Variants in ARHGAP28 observed in about 807,000 individuals in gnomAD.
ARHGAP28 encodes the protein Rho GTPase activating protein 28.
Under a neutral mutation model 90.7 loss-of-function variants are expected in ARHGAP28, and 56 were observed. The ratio of observed to expected loss-of-function variants is 0.62; its 90% CI spans 0.50 to 0.77. The LOEUF (loss-of-function observed/expected upper bound fraction) is 0.77, where lower values mean the gene tolerates loss of function less well. Among genes scored for constraint, ARHGAP28 ranks in the 30% least tolerant of loss-of-function variants. ARHGAP28 has a pLI of 0.00. For synonymous variants in ARHGAP28, 308 were observed against 323.3 expected (o/e 0.95, Z 0.51); for missense variants, 869 against 900.9 (o/e 0.96, Z 0.45).
chr18:6,848,453 C>T (rs1024071496), intron 3 of ARHGAP28, among the ~76,000 whole-genome samples: 2 of 152,104 alleles, frequency 1.3e-5, no homozygotes, highest in Non-Finnish European at 2.9e-5. Context: ...CTCTGGACAA[C>T]AGCAGTAAAG....
chr18:6,831,905 G>GT (rs2056719709), intron 2 of ARHGAP28, among the ~76,000 whole-genome samples: 1 of 152,014 alleles, frequency 6.6e-6, no homozygotes, highest in Admixed American at 6.6e-5. Context: ...TCTATTACTA[G>GT]TTTTTCTGGC....
rs1016410138 is a variant in ARHGAP28 at position 6,910,869 on chromosome 18, G to A, written c.2096-1191G>A. 2.7e-5 allele frequency among the ~76,000 whole-genome samples: 4 copies of A among 145,892 alleles called. No individual in the cohort carries two copies. In the Admixed American group the frequency reaches 2.8e-4, roughly 10 times the overall value. ...TTTGCTTTGTTTTTTTTTTGAGACG[G>A]AGTCTCGCTCTGTCGCCCAGGCTGG... On this transcript the variant is annotated intron_variant, in intron 17 of 17. Transcript: ENST00000383472.
At chr18:6,868,768 A>G (rs1324048582) in intron 6 of ARHGAP28, among the ~76,000 whole-genome samples, 1 of 152,114 alleles carries the variant, frequency 6.6e-6, no homozygotes, top group Non-Finnish European at 1.5e-5. Flanking sequence ...TTCCCAAAAT[A>G]CATGCATTCT....
intron 1 of ARHGAP28, among the ~76,000 whole-genome samples, chr18:6,740,429 G>A (rs553156303): frequency 1.3e-5 from 2 of 152,222 alleles, no homozygotes; most frequent in East Asian, 1.9e-4. Context: ...TGACCTTGGA[G>A]CCATGGATGA....
intron 1 of ARHGAP28, among the ~76,000 whole-genome samples, chr18:6,785,095 T>TA (rs1197380758): frequency 1.3e-5 from 2 of 152,206 alleles, no homozygotes; most frequent in Non-Finnish European, 2.9e-5. Flanking sequence ...CAGTGCTTGT[T>TA]AAAACACCTA....
Position 6,889,950 on chromosome 18 carries a change from G to C in ARHGAP28, c.1599G>C (p.Trp533Cys), listed in dbSNP as rs747301621. The change falls in exon 13 of 18, where the codon TGG becomes TGC. Residue 533 changes from tryptophan (W) to cysteine (C), a missense_variant. Coordinates refer to ENST00000383472, the MANE Select transcript of ARHGAP28 (RefSeq NM_001366230.1). The part of the protein sequence containing the change: ...ANESKNRMSL[W>C]NISTVMAPNL... ...AATCAAAAAACCGAATGAGTCTGTG[G>C]AACATTTCTACAGTGATGGCACCAA... is the stretch of plus-strand genomic sequence containing the variant. 19 of 1,614,044 alleles carry C rather than the reference G, an allele frequency of 1.2e-5. No homozygotes were observed. The Admixed American group carries it at 3.2e-4, about 27-fold the overall frequency.
intron 16 of ARHGAP28, among the ~76,000 whole-genome samples, chr18:6,898,902 T>G (rs1326927717): frequency 6.6e-6 from 1 of 151,052 alleles, no homozygotes; most frequent in Non-Finnish European, 1.5e-5. Flanking sequence ...GGGAAGAGGG[T>G]GAGGGATAAA....
chr18:6,891,369 A>G (rs2057263911), intron 14 of ARHGAP28, among the ~76,000 whole-genome samples: 1 of 151,584 alleles, frequency 6.6e-6, no homozygotes, highest in African/African-American at 2.4e-5. Context: ...AGTTCAAGTG[A>G]TTCTCCTGCC....
intron 3 of ARHGAP28, among the ~76,000 whole-genome samples, chr18:6,843,196 C>G (rs1222595261): frequency 6.6e-6 from 1 of 151,928 alleles, no homozygotes; most frequent in Non-Finnish European, 1.5e-5. Context: ...TAGAAGGCTC[C>G]AAGTGAAATG....
chr18:6,816,157 G>T (rs1283929469), intron 1 of ARHGAP28, among the ~76,000 whole-genome samples: 4 of 152,222 alleles, frequency 2.6e-5, no homozygotes, highest in Non-Finnish European at 5.9e-5. Context: ...GAAGATAGAA[G>T]AAGAGAGTTG....
chr18:6,768,335 G>C (rs1272914389), intron 1 of ARHGAP28, among the ~76,000 whole-genome samples: 3 of 152,028 alleles, frequency 2.0e-5, no homozygotes, highest in Non-Finnish European at 4.4e-5. Flanking sequence ...TTTAGTTAAT[G>C]CTGGACTGTT....
intron 2 of ARHGAP28, among the ~76,000 whole-genome samples, chr18:6,830,579 T>C (rs2056707692): frequency 6.6e-6 from 1 of 152,190 alleles, no homozygotes; most frequent in Non-Finnish European, 1.5e-5. Flanking sequence ...CGTTTGGTTT[T>C]CTGTTCTTGT....
chr18:6,876,925 C>A (rs1389105349), intron 10 of ARHGAP28, among the ~76,000 whole-genome samples: 1 of 152,166 alleles, frequency 6.6e-6, no homozygotes, highest in Non-Finnish European at 1.5e-5. Context: ...AGCAAAACAT[C>A]CCACTGTGTC....
At chr18:6,768,250 C>T (rs565913400) in intron 1 of ARHGAP28, among the ~76,000 whole-genome samples, 43 of 151,994 alleles carry the variant, frequency 2.8e-4, no homozygotes, top group Non-Finnish European at 5.1e-4. Flanking sequence ...GTGCTAATTC[C>T]GCCACCCTTG....
At chr18:6,852,298 A>G (rs544152350) in intron 4 of ARHGAP28, among the ~76,000 whole-genome samples, 2 of 152,344 alleles carry the variant, frequency 1.3e-5, no homozygotes, top group South Asian at 4.1e-4. Context: ...CTATATAGAT[A>G]AAAGAAGACT....
At chr18:6,768,884 T>C (rs941334606) in intron 1 of ARHGAP28, among the ~76,000 whole-genome samples, 4 of 152,120 alleles carry the variant, frequency 2.6e-5, no homozygotes, top group Non-Finnish European at 4.4e-5. Context: ...GCATTCCCTT[T>C]CTCTCAGGCA....
rs113567117 is a variant in ARHGAP28 at position 6,766,690 on chromosome 18, T to C, written c.122+36747T>C. Among the ~76,000 whole-genome samples, 148 of 152,280 alleles carry C rather than the reference T, an allele frequency of 9.7e-4. 1 individual carries two copies. The highest frequency in any genetic ancestry group is 3.4e-3 in the African/African-American group (143 of 41,572). On this transcript the variant is annotated intron_variant, in intron 1 of 17. Transcript: ENST00000383472. ...AAGTCTTTTTCCCCTTCTCTGATCA[T>C]AGGTTTCAGATCTTCAGTCATGTTT...
chr18:6,747,021 A>G (rs1271198014), intron 1 of ARHGAP28, among the ~76,000 whole-genome samples: 2 of 152,064 alleles, frequency 1.3e-5, no homozygotes, highest in African/African-American at 2.4e-5. Flanking sequence ...AACTGAGAAA[A>G]TAGAGACCTC....
At chr18:6,909,402 C>T (rs528279728) in intron 17 of ARHGAP28, among the ~76,000 whole-genome samples, 2 of 151,768 alleles carry the variant, frequency 1.3e-5, no homozygotes, top group African/African-American at 2.4e-5. Flanking sequence ...AAGTGATTCT[C>T]CTGCCTCAGC....
Sources: gnomAD v4.1 joint callset for allele counts (sites outside exome capture counted in the v4.1 genomes callset) on GRCh38, gnomAD v4.1.1 for gene constraint, MANE v1.5 for transcripts, NCBI Gene and HGNC (gene_info 2026-07-23, HGNC 2026-07-21) for gene names.